Variants in DPP10 observed in about 807,000 individuals in gnomAD.
The protein encoded by DPP10 is dipeptidyl peptidase like 10, also known as inactive dipeptidyl peptidase 10.
In DPP10, 33 loss-of-function variants were observed where a neutral mutation model predicts 120.9. The ratio of observed to expected loss-of-function variants is 0.27; its 90% CI spans 0.21 to 0.37. The LOEUF is 0.37. Ranked by LOEUF, DPP10 falls within the 10% of genes least tolerant of loss-of-function variation. The pLI, the probability that DPP10 is intolerant of heterozygous loss-of-function variation, is 1.00. For missense variants in DPP10, 816 were observed against 942.8 expected, an observed-to-expected ratio of 0.87 and a Z score of 1.76; for synonymous variants, 337 against 326.1, an observed-to-expected ratio of 1.03 and a Z score of -0.36.
intron 5 of DPP10, among the ~76,000 whole-genome samples, chr2:115,680,065 A>G (rs2090543761): frequency 6.6e-6 from 1 of 152,038 alleles, no homozygotes; most frequent in Admixed American, 6.6e-5. Context: ...AGATTTAATC[A>G]TTACATATTA....
chr2:115,632,938 C>A (rs1412969201), intron 5 of DPP10, among the ~76,000 whole-genome samples: 2 of 152,132 alleles, frequency 1.3e-5, no homozygotes, highest in African/African-American at 4.8e-5. Context: ...ACAACAGGTG[C>A]TGGAGAGGAT....
intron 5 of DPP10, among the ~76,000 whole-genome samples, chr2:115,534,460 A>C (rs1437596465): frequency 1.3e-5 from 2 of 151,030 alleles, no homozygotes; most frequent in Non-Finnish European, 3.0e-5. Context: ...TTATGGCTGC[A>C]TAGTATTCCA....
At chr2:114,981,416 C>T (rs1003002376) in intron 1 of DPP10, among the ~76,000 whole-genome samples, 11 of 152,020 alleles carry the variant, frequency 7.2e-5, no homozygotes, top group Non-Finnish European at 1.3e-4. Context: ...AATCTAGTTA[C>T]AATACTTTTT....
chr2:115,538,203 T>C (rs1558817886), intron 5 of DPP10, among the ~76,000 whole-genome samples: 1 of 152,072 alleles, frequency 6.6e-6, no homozygotes, highest in East Asian at 1.9e-4. Flanking sequence ...GGAAGTAAAT[T>C]GCATGAAGAC....
intron 1 of DPP10, among the ~76,000 whole-genome samples, chr2:114,963,866 G>A (rs1698823665): frequency 6.6e-6 from 1 of 152,170 alleles, no homozygotes. Flanking sequence ...TAGCAGAACA[G>A]AACTAGAAGA....
rs1559521501 is a variant in DPP10 at position 115,384,499 on chromosome 2, A to AG, written c.271+40587_271+40588insG. Reference sequence around the variant, plus strand: ...AGAAGGAAGAAGAAGAAGAAGAGGAAAAGAAGAAGAAGAAGGAAGAAGAGG... The same window carrying AG: ...AGAAGGAAGAAGAAGAAGAAGAGGAAGAAGAAGAAGAAGAAGGAAGAAGAGG... On this transcript the variant is annotated intron_variant, in intron 3 of 25. Transcript: ENST00000410059. Among the ~76,000 whole-genome samples, 5 of 150,018 alleles carry AG rather than the reference A, an allele frequency of 3.3e-5. No individual in the cohort carries two copies. In the East Asian group the frequency reaches 5.9e-4, roughly 18 times the overall value.
chr2:115,138,535 A>C (rs1427113069), intron 1 of DPP10, among the ~76,000 whole-genome samples: 2 of 152,200 alleles, frequency 1.3e-5, no homozygotes, highest in African/African-American at 4.8e-5. Flanking sequence ...ATATTAACTC[A>C]ATGTTTTATT....
chr2:115,307,735 A>G (rs551860584), intron 1 of DPP10, among the ~76,000 whole-genome samples: 1 of 152,234 alleles, frequency 6.6e-6, no homozygotes, highest in African/African-American at 2.4e-5. Flanking sequence ...AAAGAAACTC[A>G]CCTAGAAACT....
At chr2:115,080,799 T>C (rs1708210552) in intron 1 of DPP10, among the ~76,000 whole-genome samples, 1 of 152,236 alleles carries the variant, frequency 6.6e-6, no homozygotes, top group Non-Finnish European at 1.5e-5. Flanking sequence ...AGTTCATCTC[T>C]TAGAATGACT....
At chr2:115,562,693 G>T (rs999473617) in intron 5 of DPP10, among the ~76,000 whole-genome samples, 1 of 152,032 alleles carries the variant, frequency 6.6e-6, no homozygotes, top group African/African-American at 2.4e-5. Flanking sequence ...TCAGTCATTT[G>T]CTTATTTTTA....
At chr2:114,758,479 T>C (rs1444219207) in intron 1 of DPP10, among the ~76,000 whole-genome samples, 1 of 152,206 alleles carries the variant, frequency 6.6e-6, no homozygotes, top group African/African-American at 2.4e-5. Context: ...CCCTCCTCAT[T>C]GCGTAGCTTC....
At chr2:114,627,669 T>G (rs1470940576) in intron 1 of DPP10, among the ~76,000 whole-genome samples, 2 of 152,002 alleles carry the variant, frequency 1.3e-5, no homozygotes, top group African/African-American at 4.8e-5. Flanking sequence ...GCAGGGCTAA[T>G]TGGATGTAAT....
chr2:115,200,669 A>G (rs559399746), intron 1 of DPP10, among the ~76,000 whole-genome samples: 22 of 152,152 alleles, frequency 1.4e-4, no homozygotes, highest in Non-Finnish European at 2.9e-4. Flanking sequence ...GCCTTTTGAT[A>G]TTTTGACACA....
chr2:115,058,989 T>C (rs186704398), intron 1 of DPP10, among the ~76,000 whole-genome samples: 1 of 152,232 alleles, frequency 6.6e-6, no homozygotes, highest in Non-Finnish European at 1.5e-5. Flanking sequence ...CCCAGGTGAA[T>C]CTCAATCCTT....
chr2:115,434,674 T>C (rs1189001929), intron 3 of DPP10, among the ~76,000 whole-genome samples: 1 of 151,918 alleles, frequency 6.6e-6, no homozygotes, highest in Non-Finnish European at 1.5e-5. Flanking sequence ...GTATCTTTTC[T>C]TGGTGTTGGG....
intron 1 of DPP10, among the ~76,000 whole-genome samples, chr2:114,521,025 C>T (rs980957829): frequency 3.3e-5 from 5 of 152,028 alleles, no homozygotes; most frequent in Non-Finnish European, 7.4e-5. Flanking sequence ...TTCCAAGAAG[C>T]ACCGTGAGCA....
intron 1 of DPP10, among the ~76,000 whole-genome samples, chr2:114,493,655 A>T (rs905951172): frequency 5.8e-5 from 8 of 138,158 alleles, no homozygotes; most frequent in Non-Finnish European, 1.2e-4. Context: ...TCATTACCAT[A>T]AAAAAACTGA....
chr2:114,539,520 T>G (rs143101339), intron 1 of DPP10, among the ~76,000 whole-genome samples: 92 of 152,292 alleles, frequency 6.0e-4, no homozygotes, highest in African/African-American at 2.2e-3. Context: ...TTTCTTCCAG[T>G]TCTTGCATAT....
chr2:115,034,625 T>G (rs1704092061), intron 1 of DPP10, among the ~76,000 whole-genome samples: 1 of 152,212 alleles, frequency 6.6e-6, no homozygotes, highest in Admixed American at 6.5e-5. Context: ...AGTTAAAATA[T>G]TTAAAGTGTT....
Sources: allele counts gnomAD v4.1 joint callset (sites outside exome capture counted in the v4.1 genomes callset), GRCh38; gene constraint gnomAD v4.1.1; transcripts MANE v1.5; gene names NCBI Gene and HGNC (gene_info 2026-07-23, HGNC 2026-07-21).